The following CROT variants were observed in gnomAD, a reference collection of about 807,000 sequenced individuals.
The protein encoded by CROT is peroxisomal carnitine O-octanoyltransferase.
In CROT, 84 loss-of-function variants were observed where a neutral mutation model predicts 89.2. The observed-to-expected ratio is 0.94, with a 90% CI of 0.79 to 1.13. The LOEUF is 1.13. CROT is among the 50% of genes most tolerant of loss of function. The pLI, the probability that CROT is intolerant of heterozygous loss-of-function variation, is 0.00. For missense variants in CROT, 711 were observed against 727.8 expected (o/e 0.98, Z 0.27); for synonymous variants, 212 against 239.5 (o/e 0.89, Z 1.06).
In CROT at chr7:87,360,074, G is replaced by C. The variant is rs1018219312; in HGVS notation, c.240+744G>C. Reference sequence around the variant, plus strand: ...TCCGGATTCCTTTGTTCTCAATTTTGAGCCTTGAGTTGTTTTAATTAAAGA... The same window carrying C: ...TCCGGATTCCTTTGTTCTCAATTTTCAGCCTTGAGTTGTTTTAATTAAAGA... On this transcript the variant is annotated intron_variant, in intron 4 of 17. Coordinates refer to ENST00000331536, the MANE Select transcript of CROT (RefSeq NM_021151.4). 3 of 973,808 alleles carry C rather than the reference G, an allele frequency of 3.1e-6. No individual in the cohort carries two copies. In the Admixed American group the frequency reaches 1.8e-4, roughly 60 times the overall value. 60.3% of individuals were successfully genotyped at this position (973,808 alleles called of 1,614,324 possible).
intron 9 of CROT, among the ~76,000 whole-genome samples, chr7:87,376,429 C>T (rs955304793): frequency 3.3e-5 from 5 of 151,986 alleles, no homozygotes; most frequent in African/African-American, 9.7e-5. Flanking sequence ...ATGTCAGTGA[C>T]GTTAAGGGTA....
At chr7:87,395,419 C>T (rs1352769302) in intron 17 of CROT, among the ~76,000 whole-genome samples, 2 of 152,316 alleles carry the variant, frequency 1.3e-5, no homozygotes, top group East Asian at 3.9e-4. Flanking sequence ...AGGATCAATA[C>T]TTTGCATCCT....
In CROT at chr7:87,392,808, C is replaced by T. The variant is rs1050133659; in HGVS notation, c.1583C>T (p.Pro528Leu). ...CCTGTTCCAGAACTCTTTACGGACC[C>T]ACTTTTTTCCAAAAGGTAATATAGT... ...GLPVPELFTD[P>L]LFSKSGGGGN... Residue 528 changes from proline to leucine, a missense_variant, in exon 16 of 18, where the codon CCA (proline) becomes CTA (leucine). Coordinates refer to ENST00000331536, the MANE Select transcript of CROT (RefSeq NM_021151.4). 6.2e-7 allele frequency: 1 copy of T among 1,613,454 alleles called. No individual in the cohort carries two copies. The highest frequency in any genetic ancestry group is 8.5e-7 in the Non-Finnish European group (1 of 1,179,626).
At chr7:87,394,997 A>AG (rs1807481675) in intron 17 of CROT, among the ~76,000 whole-genome samples, 2 of 152,122 alleles carry the variant, frequency 1.3e-5, no homozygotes, top group African/African-American at 4.8e-5. Flanking sequence ...GAAAAAAAAA[A>AG]TGCCACAAAG....
intron 4 of CROT, among the ~76,000 whole-genome samples, chr7:87,360,911 G>T (rs917412759): frequency 2.6e-4 from 39 of 152,122 alleles, no homozygotes; most frequent in African/African-American, 9.2e-4. Flanking sequence ...CCGCTGAAAA[G>T]AAATTATCAC....
intron 6 of CROT, among the ~76,000 whole-genome samples, chr7:87,366,365 A>AG (rs1450544716): frequency 1.3e-5 from 2 of 151,920 alleles, no homozygotes; most frequent in African/African-American, 2.4e-5. Flanking sequence ...GGGGAAAAAA[A>AG]AATGCCTTCA....
intron 3 of CROT, among the ~76,000 whole-genome samples, chr7:87,356,122 A>G (rs779455582): frequency 2.6e-5 from 4 of 152,142 alleles, no homozygotes; most frequent in Non-Finnish European, 4.4e-5. Flanking sequence ...CTGAGACTGC[A>G]GGCAGGTGCC....
Position 87,382,532 on chromosome 7 carries a change from A to C in CROT, c.1290A>C (p.Arg430Ser). The C allele has an allele frequency of 1.2e-6, 2 of 1,613,564 alleles. No homozygotes were observed. The highest frequency in any genetic ancestry group is 2.7e-5 in the African/African-American group (2 of 75,026). The change falls in exon 13 of 18, where the codon AGA becomes AGC. Residue 430 changes from arginine (R) to serine (S), a missense_variant. Physicochemically the swap from Arg to Ser is moderately radical, Grantham distance 110. Transcript: ENST00000331536. ...TTGCACTTCAGCTGGCCTATTACAG[A>C]CTTCATGGACAGTAAGGACCATTCA... ...IQLALQLAYYRLHGHPGCCYE... is the reference protein window; with the variant it reads ...IQLALQLAYYSLHGHPGCCYE...
chr7:87,348,555 C>CT (rs1805768845), intron 2 of CROT, among the ~76,000 whole-genome samples: 1 of 152,202 alleles, frequency 6.6e-6, no homozygotes, highest in African/African-American at 2.4e-5. Context: ...TATCTACCCA[C>CT]TAAGATTTAC....
intron 3 of CROT, chr7:87,357,394 ATAT>A: frequency 7.1e-7 from 1 of 1,408,350 alleles, no homozygotes; most frequent in African/African-American, 1.4e-5. Context: ...TGGGCTAGAA[ATAT>A]TATCCTTGAT....
chr7:87,350,755 T>A (rs1805841032), intron 3 of CROT, among the ~76,000 whole-genome samples: 1 of 152,134 alleles, frequency 6.6e-6, no homozygotes, highest in African/African-American at 2.4e-5. Flanking sequence ...AGGGTCTGAT[T>A]GCATTGTTGG....
intron 13 of CROT, among the ~76,000 whole-genome samples, chr7:87,389,456 A>T (rs1807286735): frequency 6.6e-6 from 1 of 152,202 alleles, no homozygotes; most frequent in Admixed American, 6.5e-5. Flanking sequence ...AAAGAGGATG[A>T]GTTCATGTCC....
chr7:87,367,722 C>G (rs1156867403), intron 6 of CROT, among the ~76,000 whole-genome samples: 1 of 152,216 alleles, frequency 6.6e-6, no homozygotes, highest in East Asian at 1.9e-4. Context: ...TATCCTCTCT[C>G]TCTGCTGCTT....
intron 3 of CROT, among the ~76,000 whole-genome samples, chr7:87,349,810 C>T (rs1805812004): frequency 6.6e-6 from 1 of 152,088 alleles, no homozygotes; most frequent in Non-Finnish European, 1.5e-5. Flanking sequence ...TATGAGAGAA[C>T]CCTTAACCTT....
chr7:87,395,982 G>T (rs1384221948), intron 17 of CROT, among the ~76,000 whole-genome samples: 1 of 152,198 alleles, frequency 6.6e-6, no homozygotes, highest in Non-Finnish European at 1.5e-5. Context: ...AAGAAGTCAT[G>T]AAAGCAGTCA....
chr7:87,372,092 C>T (rs900853585), intron 7 of CROT, among the ~76,000 whole-genome samples: 2 of 151,248 alleles, frequency 1.3e-5, no homozygotes, highest in African/African-American at 2.4e-5. Flanking sequence ...TGGCATATCC[C>T]TCATTACAAG....
chr7:87,381,219 C>T (rs1420965187), intron 10 of CROT, among the ~76,000 whole-genome samples: 2 of 152,118 alleles, frequency 1.3e-5, no homozygotes, highest in Non-Finnish European at 1.5e-5. Flanking sequence ...CACAAGGAAC[C>T]GTCTGATGTA....
chr7:87,372,103 T>C (rs1042616486), intron 7 of CROT, among the ~76,000 whole-genome samples: 10 of 151,534 alleles, frequency 6.6e-5, no homozygotes, highest in Non-Finnish European at 1.2e-4. Context: ...TCATTACAAG[T>C]GAGGTTGAGC....
At chr7:87,393,948 A>G (rs1807446046) in intron 17 of CROT, among the ~76,000 whole-genome samples, 1 of 152,184 alleles carries the variant, frequency 6.6e-6, no homozygotes, top group African/African-American at 2.4e-5. Flanking sequence ...TTCAAAAACT[A>G]AAGTATTCAT....
Sources: gnomAD v4.1 joint callset for allele counts (sites outside exome capture counted in the v4.1 genomes callset) on GRCh38, gnomAD v4.1.1 for gene constraint, MANE v1.5 for transcripts, NCBI Gene and HGNC (gene_info 2026-07-23, HGNC 2026-07-21) for gene names.